FGF14: variants seen among roughly 807,000 people sequenced by gnomAD.
FGF14 encodes the protein fibroblast growth factor homologous factor 4.
In FGF14, 5 loss-of-function variants were observed where a neutral mutation model predicts 25.5. The observed-to-expected ratio is 0.20, with a 90% confidence interval of 0.10 to 0.41. FGF14 has a LOEUF of 0.41. Ranked by LOEUF, FGF14 falls within the 10% of genes least tolerant of loss-of-function variation. FGF14 has a pLI of 1.00. For missense variants in FGF14, 222 were observed against 320.1 expected (o/e 0.69, Z 2.34); for synonymous variants, 138 against 118.3 (o/e 1.17, Z -1.08).
At chr13:101,999,042 T>C (rs185478913) in intron 1 of FGF14, among the ~76,000 whole-genome samples, 1 of 152,236 alleles carries the variant, frequency 6.6e-6, no homozygotes, top group East Asian at 1.9e-4. Flanking sequence ...CTTCTCAGAA[T>C]CTCCAAGTGA....
At chr13:101,934,115 A>T (rs752458171) in intron 1 of FGF14, among the ~76,000 whole-genome samples, 3 of 152,266 alleles carry the variant, frequency 2.0e-5, no homozygotes, top group Admixed American at 2.0e-4. Flanking sequence ...CATTTAAATG[A>T]TTTGGTAAAC....
chr13:102,271,569 A>G (rs1266012841), intron 1 of FGF14, among the ~76,000 whole-genome samples: 1 of 152,170 alleles, frequency 6.6e-6, no homozygotes, highest in African/African-American at 2.4e-5. Context: ...AGCTCCTTTG[A>G]GTACTCGTTC....
At chr13:101,921,349 G>A (rs2033990346), upstream of FGF14, among the ~76,000 whole-genome samples, 1 of 152,104 alleles carries the variant, frequency 6.6e-6, no homozygotes, top group Admixed American at 6.6e-5. Context: ...TGTCTGATAG[G>A]TAAGTGTCTC....
rs767285024 is a variant in FGF14, at chr13:102,067,721, A to C, written c.209-192425T>G. 2.8e-4 allele frequency among the ~76,000 whole-genome samples: 43 copies of C among 151,246 alleles called. 1 individual carries two copies. Among genetic ancestry groups the C allele is most frequent in the Non-Finnish European group, 5.0e-4 (34 of 67,934 alleles). ...AAAGAGGAGAGACAGAGAGAGAGAG[A>C]GATTAGGGTGGAGAGTTTATTTAAA... On this transcript the variant is annotated intron_variant, in intron 1 of 4. Transcript: ENST00000376131.
intron 1 of FGF14, among the ~76,000 whole-genome samples, chr13:102,212,252 T>C (rs941554815): frequency 6.6e-6 from 1 of 152,226 alleles, no homozygotes; most frequent in Non-Finnish European, 1.5e-5. Context: ...CATGTTTTTT[T>C]AAAGAACTAA....
At chr13:102,253,161 T>G (rs1227160249) in intron 1 of FGF14, among the ~76,000 whole-genome samples, 2 of 152,204 alleles carry the variant, frequency 1.3e-5, no homozygotes, top group Admixed American at 1.3e-4. Context: ...GTAGAATGAC[T>G]TATAATCCTT....
At chr13:102,048,098 A>G (rs754119833) in intron 1 of FGF14, among the ~76,000 whole-genome samples, 4 of 151,704 alleles carry the variant, frequency 2.6e-5, no homozygotes, top group African/African-American at 4.8e-5. Context: ...AAGAGTTTCT[A>G]TTCCATGAAA....
intron 3 of FGF14, among the ~76,000 whole-genome samples, chr13:101,745,335 A>G (rs80290065): frequency 2.0e-5 from 3 of 152,188 alleles, no homozygotes; most frequent in Non-Finnish European, 2.9e-5. Flanking sequence ...GTTGCAATCA[A>G]TGAACCTACA....
chr13:101,851,684 G>T (rs559116122), intron 3 of FGF14, among the ~76,000 whole-genome samples: 1 of 151,884 alleles, frequency 6.6e-6, no homozygotes, highest in Non-Finnish European at 1.5e-5. Context: ...CCTCCTCGTC[G>T]TCTTCATCAC....
At chr13:101,743,682 GCT>G (rs1457518003) in intron 3 of FGF14, among the ~76,000 whole-genome samples, 4 of 152,094 alleles carry the variant, frequency 2.6e-5, no homozygotes, top group Non-Finnish European at 5.9e-5. Context: ...CAATGTCTAT[GCT>G]CTGTCTATAT....
chr13:102,021,333 G>A (rs983223863), intron 1 of FGF14, among the ~76,000 whole-genome samples: 3 of 152,024 alleles, frequency 2.0e-5, no homozygotes, highest in African/African-American at 7.2e-5. Context: ...TAGAGGCTTC[G>A]TAAAAGAGAG....
intron 3 of FGF14, among the ~76,000 whole-genome samples, chr13:101,857,429 G>A (rs914766014): frequency 6.6e-6 from 1 of 151,888 alleles, no homozygotes; most frequent in African/African-American, 2.4e-5. Context: ...TAATATAGTG[G>A]AGTGGTCAAA....
At chr13:102,242,468 T>C (rs2051650777) in intron 1 of FGF14, among the ~76,000 whole-genome samples, 1 of 152,042 alleles carries the variant, frequency 6.6e-6, no homozygotes, top group Non-Finnish European at 1.5e-5. Flanking sequence ...TCTTGCTGTA[T>C]CATCTTATAG....
intron 3 of FGF14, among the ~76,000 whole-genome samples, chr13:101,734,270 C>T (rs962420049): frequency 1.3e-5 from 2 of 152,140 alleles, no homozygotes; most frequent in East Asian, 1.9e-4. Flanking sequence ...ATTTTAAGAG[C>T]TGTCAATTAA....
intron 1 of FGF14, among the ~76,000 whole-genome samples, chr13:102,240,185 T>C (rs536160959): frequency 6.6e-6 from 1 of 152,264 alleles, no homozygotes; most frequent in South Asian, 2.1e-4. Context: ...ACAGATAACA[T>C]ATATAACTCT....
At chr13:101,973,992 A>C (rs8002944) in intron 1 of FGF14, among the ~76,000 whole-genome samples, 2,297 of 152,258 alleles carry the variant, frequency 0.015, 60 homozygotes, top group African/African-American at 0.052. Context: ...TTAGAATGGA[A>C]ATATTTCATG....
At chr13:101,912,906 C>A (rs1374733812) in intron 1 of FGF14, among the ~76,000 whole-genome samples, 1 of 152,234 alleles carries the variant, frequency 6.6e-6, no homozygotes. Flanking sequence ...GTATGGCAAA[C>A]ACTCTCAAGA....
At chr13:102,249,139 A>C (rs2141061051) in intron 1 of FGF14, among the ~76,000 whole-genome samples, 1 of 152,282 alleles carries the variant, frequency 6.6e-6, no homozygotes, top group East Asian at 1.9e-4. Context: ...CGGCCTGAAG[A>C]TGAAGATTTA....
chr13:102,187,231 A>G (rs2048913593), intron 1 of FGF14, among the ~76,000 whole-genome samples: 1 of 152,238 alleles, frequency 6.6e-6, no homozygotes, highest in Admixed American at 6.5e-5. Context: ...GGAGGCCCAG[A>G]TAACCCAGAC....
Sources: gnomAD v4.1 joint callset for allele counts (sites outside exome capture counted in the v4.1 genomes callset) on GRCh38, gnomAD v4.1.1 for gene constraint, MANE v1.5 for transcripts, NCBI Gene and HGNC (gene_info 2026-07-23, HGNC 2026-07-21) for gene names.